Variants in PRTFDC1 observed in about 807,000 individuals in gnomAD.
The protein encoded by PRTFDC1 is phosphoribosyl transferase domain containing 1, also known as phosphoribosyltransferase domain-containing protein 1.
PRTFDC1 carries 38 observed loss-of-function variants against 34.6 expected under a neutral mutation model. The ratio of observed to expected loss-of-function variants is 1.10; its 90% confidence interval spans 0.85 to 1.44. The LOEUF (loss-of-function observed/expected upper bound fraction) is 1.44. PRTFDC1 is among the 40% of genes most tolerant of loss of function. PRTFDC1 has a pLI of 0.00. For missense variants in PRTFDC1, 270 were observed against 283.0 expected, an observed-to-expected ratio of 0.95 and a Z score of 0.33; for synonymous variants, 93 against 98.1, an observed-to-expected ratio of 0.95 and a Z score of 0.31.
chr10:24,868,466 G>A (rs1483600548), intron 4 of PRTFDC1, among the ~76,000 whole-genome samples: 2 of 152,166 alleles, frequency 1.3e-5, no homozygotes, highest in Non-Finnish European at 2.9e-5. Flanking sequence ...TTAAATGTAA[G>A]TTTACTGAAT....
chr10:24,855,272 G>A (rs1847552538), intron 7 of PRTFDC1, 46 bp downstream of exon 7: 3 of 1,549,892 alleles, frequency 1.9e-6, no homozygotes, highest in African/African-American at 2.7e-5. Context: ...AACACCATAA[G>A]CACAAAACAA....
intron 3 of PRTFDC1, among the ~76,000 whole-genome samples, chr10:24,918,950 A>C (rs1848738898): frequency 6.6e-6 from 1 of 152,132 alleles, no homozygotes; most frequent in Non-Finnish European, 1.5e-5. Context: ...GTAGTTTTAC[A>C]TCTTAGCCCC....
At chr10:24,917,045 C>T (rs1241582210) in intron 3 of PRTFDC1, among the ~76,000 whole-genome samples, 1 of 152,192 alleles carries the variant, frequency 6.6e-6, no homozygotes, top group Non-Finnish European at 1.5e-5. Context: ...CCTTTGCCAT[C>T]CTCAGTAATT....
chr10:24,904,871 A>G (rs1289900117), intron 3 of PRTFDC1, among the ~76,000 whole-genome samples: 1 of 152,074 alleles, frequency 6.6e-6, no homozygotes, highest in Non-Finnish European at 1.5e-5. Context: ...CATAGTGTCA[A>G]TTTCCACCTT....
intron 1 of PRTFDC1, among the ~76,000 whole-genome samples, chr10:24,944,965 C>T (rs1849231235): frequency 6.6e-6 from 1 of 152,130 alleles, no homozygotes; most frequent in Admixed American, 6.5e-5. Flanking sequence ...AGCAGCTGCT[C>T]TCTTTCAAGT....
chr10:24,893,239 A>C (rs1440563391), intron 3 of PRTFDC1, among the ~76,000 whole-genome samples: 1 of 151,670 alleles, frequency 6.6e-6, no homozygotes, highest in Non-Finnish European at 1.5e-5. Context: ...AAGTTTCTGA[A>C]AACACTGATT....
chr10:24,952,450 C>T lies in PRTFDC1; in HGVS notation c.48+78G>A. 1 of 1,475,296 alleles carries T rather than the reference C, an allele frequency of 6.8e-7. No individual in the cohort carries two copies. Among genetic ancestry groups the T allele is most frequent in the Non-Finnish European group, 9.3e-7 (1 of 1,079,944 alleles). 91.4% of individuals were successfully genotyped at this position (1,475,296 alleles called of 1,614,324 possible). A position where few individuals can be genotyped will look rare whatever the true frequency, so the allele number is the denominator to read the frequency against. ...GCCCTCTCTCTCCCCCGACGCACGGCAAGCATTTAATCTACAAGCAGGGTG... is the reference window on the plus strand; with the variant it reads ...GCCCTCTCTCTCCCCCGACGCACGGTAAGCATTTAATCTACAAGCAGGGTG... On this transcript the variant is annotated intron_variant, in intron 1 of 8. Transcript: ENST00000320152. The surrounding 1 kb of genome is among the most constrained non-coding windows in gnomAD (Gnocchi z 5.1).
At chr10:24,939,178 G>A (rs1849106560) in intron 2 of PRTFDC1, among the ~76,000 whole-genome samples, 2 of 151,600 alleles carry the variant, frequency 1.3e-5, no homozygotes, top group South Asian at 2.1e-4. Context: ...GTCTGCGCCT[G>A]TAATCCCAGC....
chr10:24,896,772 C>T (rs149034380), intron 3 of PRTFDC1, among the ~76,000 whole-genome samples: 2 of 152,266 alleles, frequency 1.3e-5, no homozygotes, highest in African/African-American at 2.4e-5. Context: ...TACCACTTAG[C>T]GTGTTCTTCT....
intron 1 of PRTFDC1, among the ~76,000 whole-genome samples, chr10:24,944,538 C>T (rs1347904746): frequency 6.6e-6 from 1 of 152,146 alleles, no homozygotes; most frequent in Non-Finnish European, 1.5e-5. Flanking sequence ...AATCCCAGCA[C>T]TTGAGAGGCT....
chr10:24,884,332 C>T (rs779963270), intron 3 of PRTFDC1, among the ~76,000 whole-genome samples: 4 of 152,130 alleles, frequency 2.6e-5, no homozygotes, highest in Admixed American at 2.6e-4. Flanking sequence ...GATTCTGTGC[C>T]ATGGAGCCAT....
chr10:24,850,016 G>A, intron 8 of PRTFDC1, 125 bp from the exon 9 acceptor site: 1 of 851,956 alleles, frequency 1.2e-6, no homozygotes, highest in Admixed American at 2.0e-5. Flanking sequence ...AGAAATGTGT[G>A]TATTTATATG....
At chr10:24,897,815 C>G (rs1332506580) in intron 3 of PRTFDC1, among the ~76,000 whole-genome samples, 2 of 152,138 alleles carry the variant, frequency 1.3e-5, no homozygotes, top group African/African-American at 4.8e-5. Context: ...AACTGTTTGG[C>G]AGGGAAATTT....
chr10:24,937,104 A>G (rs1265587432), intron 3 of PRTFDC1, 80 bp downstream of exon 3: 2 of 1,337,026 alleles, frequency 1.5e-6, no homozygotes, highest in East Asian at 4.8e-5. Context: ...TGCACTCTTC[A>G]TTTTCATAAC....
intron 3 of PRTFDC1, among the ~76,000 whole-genome samples, chr10:24,911,338 T>C (rs905619957): frequency 2.6e-5 from 4 of 152,232 alleles, no homozygotes; most frequent in African/African-American, 7.2e-5. Flanking sequence ...ATACAGCATA[T>C]ATCCTTTCAA....
chr10:24,919,813 A>T (rs2132581358), intron 3 of PRTFDC1, among the ~76,000 whole-genome samples: 1 of 152,304 alleles, frequency 6.6e-6, no homozygotes, highest in South Asian at 2.1e-4. Context: ...AAATGGGCAA[A>T]GGACATGAAC....
intron 3 of PRTFDC1, among the ~76,000 whole-genome samples, chr10:24,914,717 A>G (rs1848670313): frequency 6.6e-6 from 1 of 152,210 alleles, no homozygotes; most frequent in Non-Finnish European, 1.5e-5. Flanking sequence ...AGGCCATAAT[A>G]AATGCCTTTT....
rs188494421 is a variant in PRTFDC1 at position 24,863,987 on chromosome 10, A to T, written c.406-5578T>A. ...GTGAGCCATGACTATGCCACTGCAC[A>T]CCAGCGACAGAGCAACAACTCGTCT... On this transcript the variant is annotated intron_variant, in intron 4 of 8. Transcript: ENST00000320152. Among the ~76,000 whole-genome samples the T allele has an allele frequency of 1.4e-5, 2 of 143,450 alleles. 1 individual carries two copies. The highest frequency in any genetic ancestry group is 4.2e-4 in the East Asian group (2 of 4,754). 94.1% of individuals were successfully genotyped at this position (143,450 alleles called of 152,430 possible).
At chr10:24,876,447 G>A (rs977469092) in intron 3 of PRTFDC1, among the ~76,000 whole-genome samples, 1 of 152,082 alleles carries the variant, frequency 6.6e-6, no homozygotes, top group African/African-American at 2.4e-5. Context: ...TGTAATCCCA[G>A]CACTTTGGGA....
Sources: gnomAD v4.1 joint callset for allele counts (sites outside exome capture counted in the v4.1 genomes callset) on GRCh38, gnomAD v4.1.1 for gene constraint, Gnocchi (gnomAD v3.1) non-coding constraint, MANE v1.5 for transcripts, NCBI Gene and HGNC (gene_info 2026-07-23, HGNC 2026-07-21) for gene names.